The following CCDC102B variants were observed in gnomAD, a reference collection of about 807,000 sequenced individuals.
The protein encoded by CCDC102B is coiled-coil domain-containing protein 102B.
A neutral mutation model predicts 57.4 loss-of-function variants in CCDC102B; 75 were observed. The ratio of observed to expected loss-of-function variants is 1.31; its 90% CI spans 1.08 to 1.58. The LOEUF (loss-of-function observed/expected upper bound fraction) is 1.58. Ranked by LOEUF, CCDC102B falls within the 40% of genes most tolerant of loss-of-function variation. The probability of loss-of-function intolerance (pLI) is 0.00; values close to 1 mark genes in which losing one functional copy is unlikely to be tolerated. For synonymous variants in CCDC102B, 206 were observed against 201.9 expected, an observed-to-expected ratio of 1.02 and a Z score of -0.17; for missense variants, 636 against 582.6, an observed-to-expected ratio of 1.09 and a Z score of -0.94.
At chr18:68,789,063 G>C (rs1179371480) in intron 2 of CCDC102B, among the ~76,000 whole-genome samples, 1 of 152,152 alleles carries the variant, frequency 6.6e-6, no homozygotes, top group Admixed American at 6.5e-5. Flanking sequence ...TATCTGTAAA[G>C]TATTTTATTT....
intron 1 of CCDC102B, among the ~76,000 whole-genome samples, chr18:68,821,217 A>G (rs536281579): frequency 6.6e-6 from 1 of 152,210 alleles, no homozygotes; most frequent in African/African-American, 2.4e-5. Context: ...CTAAAAATAA[A>G]TTAGCCTCAC....
At chr18:68,739,794 CCTGTCAT>C (rs2033305195) in intron 2 of CCDC102B, among the ~76,000 whole-genome samples, 1 of 152,148 alleles carries the variant, frequency 6.6e-6, no homozygotes, top group Non-Finnish European at 1.5e-5. Context: ...AGAAGCTCCT[CCTGTCAT>C]CTGTCTCTAT....
At chr18:69,000,624 A>C (rs1194382473) in intron 6 of CCDC102B, among the ~76,000 whole-genome samples, 1 of 152,056 alleles carries the variant, frequency 6.6e-6, no homozygotes, top group Non-Finnish European at 1.5e-5. Flanking sequence ...TTGTCCTCTC[A>C]TTTCTGTTTG....
At chr18:68,865,520 C>T (rs938545502) in intron 4 of CCDC102B, among the ~76,000 whole-genome samples, 1 of 152,044 alleles carries the variant, frequency 6.6e-6, no homozygotes, top group Non-Finnish European at 1.5e-5. Context: ...TTTTTTAATT[C>T]CAGATTCACA....
intron 3 of CCDC102B, among the ~76,000 whole-genome samples, chr18:68,840,896 A>G (rs2037598115): frequency 6.6e-6 from 1 of 152,210 alleles, no homozygotes; most frequent in African/African-American, 2.4e-5. Flanking sequence ...TCTCAGAGTA[A>G]GTACATTCTG....
intron 7 of CCDC102B, among the ~76,000 whole-genome samples, chr18:69,030,584 A>G (rs893526543): frequency 2.6e-5 from 4 of 152,290 alleles, no homozygotes; most frequent in African/African-American, 7.2e-5. Context: ...CCACAAGAAT[A>G]TGGTCAATAA....
At chr18:69,042,866 GC>G (rs1220211204) in intron 7 of CCDC102B, among the ~76,000 whole-genome samples, 1 of 152,158 alleles carries the variant, frequency 6.6e-6, no homozygotes, top group African/African-American at 2.4e-5. Context: ...GGGGTGGGTT[GC>G]CCCTCCACAC....
intron 6 of CCDC102B, among the ~76,000 whole-genome samples, chr18:68,898,258 G>A (rs948572787): frequency 6.6e-6 from 1 of 152,038 alleles, no homozygotes; most frequent in African/African-American, 2.4e-5. Flanking sequence ...TAAGTTCATA[G>A]TTTTGAGATA....
intron 2 of CCDC102B, among the ~76,000 whole-genome samples, chr18:68,780,154 T>A (rs570345507): frequency 1.3e-5 from 2 of 152,162 alleles, no homozygotes; most frequent in Non-Finnish European, 2.9e-5. Context: ...CTTATCATAA[T>A]GTCTCCTAAC....
chr18:68,736,087 G>A (rs760177792), intron 2 of CCDC102B, among the ~76,000 whole-genome samples: 4 of 152,140 alleles, frequency 2.6e-5, no homozygotes, highest in Non-Finnish European at 4.4e-5. Flanking sequence ...ACAATACTTT[G>A]TCACTGTATA....
At chr18:69,003,221 T>C (rs2051253045) in intron 6 of CCDC102B, among the ~76,000 whole-genome samples, 1 of 152,178 alleles carries the variant, frequency 6.6e-6, no homozygotes, top group African/African-American at 2.4e-5. Flanking sequence ...TTTAAGAGAA[T>C]AAATTAGGAT....
At chr18:68,774,981 A>G (rs923545290) in intron 2 of CCDC102B, among the ~76,000 whole-genome samples, 1 of 150,652 alleles carries the variant, frequency 6.6e-6, no homozygotes, top group African/African-American at 2.4e-5. Context: ...TGCTATATAC[A>G]TATTTGTATA....
At chr18:68,790,343 T>G (rs2035396294) in intron 2 of CCDC102B, among the ~76,000 whole-genome samples, 1 of 151,652 alleles carries the variant, frequency 6.6e-6, no homozygotes, top group Non-Finnish European at 1.5e-5. Flanking sequence ...CTCCTTGAGC[T>G]GTGGTGGGCT....
chr18:68,953,367 T>TTG (rs1244189569), intron 6 of CCDC102B, among the ~76,000 whole-genome samples: 10 of 151,296 alleles, frequency 6.6e-5, no homozygotes, highest in Admixed American at 2.0e-4. Flanking sequence ...TTTTTTTTTT[T>TTG]TTTTTTTGAC....
chr18:69,025,891 G>C (rs144020446), intron 7 of CCDC102B, among the ~76,000 whole-genome samples: 92 of 152,272 alleles, frequency 6.0e-4, no homozygotes, highest in Non-Finnish European at 1.0e-3. Context: ...ACATGCTGGG[G>C]TGGAGGTAAA....
At chr18:68,909,598 AG>A (rs1892873208) in intron 6 of CCDC102B, among the ~76,000 whole-genome samples, 1 of 152,254 alleles carries the variant, frequency 6.6e-6, no homozygotes, top group Non-Finnish European at 1.5e-5. Flanking sequence ...GGAATAGACC[AG>A]GGATGAAAAA....
intron 6 of CCDC102B, among the ~76,000 whole-genome samples, chr18:68,960,074 T>C (rs939809199): frequency 6.6e-6 from 1 of 152,162 alleles, no homozygotes; most frequent in Non-Finnish European, 1.5e-5. Context: ...ATTCTCCCCA[T>C]AGAAATCACA....
chr18:69,005,274 C>G (rs1599835335), intron 6 of CCDC102B, among the ~76,000 whole-genome samples: 1 of 152,040 alleles, frequency 6.6e-6, no homozygotes, highest in African/African-American at 2.4e-5. Context: ...TTCAAAAGAC[C>G]ATGAGCAAGT....
chr18:68,903,066 A>G (rs2040507475), intron 6 of CCDC102B, among the ~76,000 whole-genome samples: 1 of 152,180 alleles, frequency 6.6e-6, no homozygotes, highest in African/African-American at 2.4e-5. Flanking sequence ...AATAAAGGTA[A>G]ATGAGTTTTC....
Sources: allele counts gnomAD v4.1 joint callset (sites outside exome capture counted in the v4.1 genomes callset), GRCh38; gene constraint gnomAD v4.1.1; transcripts MANE v1.5; gene names NCBI Gene and HGNC (gene_info 2026-07-23, HGNC 2026-07-21).